The following ZC3H12B variants were observed in gnomAD, a reference collection of about 807,000 sequenced individuals.
The protein encoded by ZC3H12B is zinc finger CCCH-type containing 12B.
ZC3H12B carries 7 observed loss-of-function variants against 43.9 expected under a neutral mutation model. The ratio of observed to expected loss-of-function variants is 0.16; its 90% CI spans 0.09 to 0.30. The LOEUF (loss-of-function observed/expected upper bound fraction) is 0.30, where lower values mean the gene tolerates loss of function less well. ZC3H12B is among the 10% of genes least tolerant of loss of function. The probability of loss-of-function intolerance (pLI) is 1.00; values close to 1 mark genes in which losing one functional copy is unlikely to be tolerated. For missense variants in ZC3H12B, 475 were observed against 670.2 expected (o/e 0.71, Z 3.22); for synonymous variants, 222 against 241.7 (o/e 0.92, Z 0.76).
At chrX:65,220,257 A>G in the ZC3H12B span, among the ~76,000 whole-genome samples, 1 of 112,045 alleles carries the variant, frequency 8.9e-6, no homozygotes, top group African/African-American at 3.2e-5. Flanking sequence ...TCCCTAAAGC[A>G]TAAATTTCAC....
chrX:65,406,660 T>C (rs1434686715), intron 3 of ZC3H12B, among the ~76,000 whole-genome samples: 1 of 105,148 alleles, frequency 9.5e-6, no homozygotes, highest in Admixed American at 9.8e-5. Flanking sequence ...GGTTAGCTCC[T>C]GAGTGTGAAA....
At chrX:65,340,142 C>T in the ZC3H12B span, among the ~76,000 whole-genome samples, 1 of 111,910 alleles carries the variant, frequency 8.9e-6, no homozygotes, top group Non-Finnish European at 1.9e-5. Flanking sequence ...TGAGTGACCA[C>T]CCTTACCTCC....
At chrX:65,307,739 C>T in the ZC3H12B span, among the ~76,000 whole-genome samples, 1 of 111,551 alleles carries the variant, frequency 9.0e-6, no homozygotes, top group Non-Finnish European at 1.9e-5. Context: ...AGAAGCTAAA[C>T]AAACCTATAG....
the ZC3H12B span, among the ~76,000 whole-genome samples, chrX:65,213,065 A>T: frequency 1.2e-4 from 13 of 108,161 alleles, no homozygotes; most frequent in Non-Finnish European, 2.1e-4. Context: ...ACCTCCCCAT[A>T]TTATACTATT....
chrX:65,154,672 G>C, the ZC3H12B span, among the ~76,000 whole-genome samples: 1 of 111,135 alleles, frequency 9.0e-6, no homozygotes, highest in Non-Finnish European at 1.9e-5. Context: ...AATGATGTGA[G>C]ACCCCCATCT....
chrX:65,296,499 GAAAT>G, the ZC3H12B span, among the ~76,000 whole-genome samples: 1 of 110,591 alleles, frequency 9.0e-6, no homozygotes, highest in Non-Finnish European at 1.9e-5. Flanking sequence ...AAAACTTATT[GAAAT>G]AAATAATAAT....
chrX:65,371,854 G>T (rs1229523774), intron 2 of ZC3H12B, among the ~76,000 whole-genome samples: 1 of 111,562 alleles, frequency 9.0e-6, no homozygotes, highest in Non-Finnish European at 1.9e-5. Context: ...CTAGGGGATT[G>T]TCTATCACAG....
the ZC3H12B span, among the ~76,000 whole-genome samples, chrX:65,287,495 C>A: frequency 1.5e-4 from 17 of 110,366 alleles, no homozygotes; most frequent in East Asian, 4.3e-3. Flanking sequence ...GTGGCTCACA[C>A]CTGTAATCCC....
intron 2 of ZC3H12B, among the ~76,000 whole-genome samples, chrX:65,388,434 G>A (rs757066544): frequency 2.1e-4 from 23 of 111,699 alleles, no homozygotes; most frequent in South Asian, 7.5e-4. Flanking sequence ...TGATCAAATC[G>A]GCTACTGAGG....
At chrX:65,085,737 A>G in the ZC3H12B span, among the ~76,000 whole-genome samples, 2 of 109,862 alleles carry the variant, frequency 1.8e-5, no homozygotes, top group African/African-American at 6.6e-5. Flanking sequence ...GTGCCATTTC[A>G]CTTCAGTATG....
the ZC3H12B span, among the ~76,000 whole-genome samples, chrX:65,089,588 A>G: frequency 9.0e-6 from 1 of 111,455 alleles, no homozygotes; most frequent in African/African-American, 3.3e-5. Context: ...TATTAAAAAT[A>G]TTTTTCTTCA....
At chrX:65,458,739 T>G (rs1014409752) in intron 3 of ZC3H12B, among the ~76,000 whole-genome samples, 1 of 111,819 alleles carries the variant, frequency 8.9e-6, no homozygotes, top group Non-Finnish European at 1.9e-5. Flanking sequence ...TAGCACTAAA[T>G]GCCCACAAGA....
chrX:65,393,503 T>C (rs987409944), intron 2 of ZC3H12B, among the ~76,000 whole-genome samples: 34 of 111,264 alleles, frequency 3.1e-4, no homozygotes, highest in African/African-American at 1.1e-3. Flanking sequence ...CCTGTGTCCA[T>C]GTGTTCTCAT....
At chrX:65,235,553 G>C in the ZC3H12B span, among the ~76,000 whole-genome samples, 1 of 110,892 alleles carries the variant, frequency 9.0e-6, no homozygotes, top group African/African-American at 3.3e-5. Context: ...TGCCCACTCA[G>C]CCTGGCAGGC....
the ZC3H12B span, among the ~76,000 whole-genome samples, chrX:65,105,221 G>A: frequency 1.5e-3 from 162 of 109,416 alleles, no homozygotes; most frequent in African/African-American, 4.6e-3. Flanking sequence ...CATGGACACC[G>A]CAAGGGGAAC....
At chrX:65,139,888 G>A in the ZC3H12B span, among the ~76,000 whole-genome samples, 2 of 110,744 alleles carry the variant, frequency 1.8e-5, no homozygotes, top group South Asian at 7.6e-4. Flanking sequence ...TTTCCTGATA[G>A]TTTGTTGTTA....
intron 2 of ZC3H12B, among the ~76,000 whole-genome samples, chrX:65,377,653 T>C (rs906439072): frequency 2.7e-5 from 3 of 110,724 alleles, no homozygotes; most frequent in Non-Finnish European, 5.7e-5. Context: ...AAGAAATGGT[T>C]AACCAAAAAA....
chrX:65,223,793 G>A, the ZC3H12B span, among the ~76,000 whole-genome samples: 3 of 111,586 alleles, frequency 2.7e-5, no homozygotes, highest in Admixed American at 9.5e-5. Context: ...CTTCAAGATC[G>A]GCCATAATCA....
the ZC3H12B span, among the ~76,000 whole-genome samples, chrX:65,306,555 A>C: frequency 9.5e-3 from 1,056 of 110,695 alleles, 10 homozygotes; most frequent in African/African-American, 0.033. Flanking sequence ...TGTGTGTTTT[A>C]ATAGAGACGG....
Sources: gnomAD v4.1 joint callset for allele counts (sites outside exome capture counted in the v4.1 genomes callset) on GRCh38, gnomAD v4.1.1 for gene constraint, MANE v1.5 for transcripts, NCBI Gene and HGNC (gene_info 2026-07-23, HGNC 2026-07-21) for gene names.